DNAH9: variants seen among roughly 807,000 people sequenced by gnomAD.
DNAH9 encodes the protein DNAH9 variant protein.
In DNAH9, 345 loss-of-function variants were observed where a neutral mutation model predicts 471.6. That is an observed-to-expected ratio of 0.73 (90% CI 0.67 to 0.80). The LOEUF is 0.80. Among genes scored for constraint, DNAH9 ranks in the 30% least tolerant of loss-of-function variants. The pLI, the probability that DNAH9 is intolerant of heterozygous loss-of-function variation, is 0.00. For missense variants in DNAH9, 5,407 were observed against 5,609.2 expected (o/e 0.96, Z 1.15); for synonymous variants, 2,093 against 2,123.6 (o/e 0.99, Z 0.40).
chr17:11,680,636 G>A (rs1323976430), intron 18 of DNAH9, 87 bp from the exon 19 acceptor site: 3 of 1,122,784 alleles, frequency 2.7e-6, no homozygotes, highest in Non-Finnish European at 3.9e-6. Flanking sequence ...TAGCACAGAT[G>A]GAAGCATCTG....
chr17:11,699,524 T>C (rs1168593558), intron 22 of DNAH9, among the ~76,000 whole-genome samples: 1 of 152,218 alleles, frequency 6.6e-6, no homozygotes, highest in Non-Finnish European at 1.5e-5. Context: ...TCTCACTAGT[T>C]TTATTCAGTC....
chr17:11,814,968 A>AAAC (rs3070117), intron 45 of DNAH9, among the ~76,000 whole-genome samples: 2,637 of 151,416 alleles, frequency 0.017, 100 homozygotes, highest in East Asian at 0.17. Context: ...AAGAAAAAAA[A>AAAC]AACAATAAAG....
At chr17:11,966,459 A>T (rs1280693535) in intron 68 of DNAH9, among the ~76,000 whole-genome samples, 1 of 152,226 alleles carries the variant, frequency 6.6e-6, no homozygotes, top group East Asian at 1.9e-4. Flanking sequence ...CCAGCCTTAT[A>T]GGAAATACTA....
In DNAH9 at chr17:11,864,069, A is replaced by G. The variant is rs868006243; in HGVS notation, c.9934-5065A>G. On this transcript the variant is annotated intron_variant, in intron 50 of 68. Coordinates refer to ENST00000262442, the MANE Select transcript of DNAH9 (RefSeq NM_001372.4). ...TATTTCTTGCCTTCTGCTAGCTTTT[A>G]AATGTGTTTGCTCTTGCTTTTCTAG... is the stretch of plus-strand genomic sequence containing the variant. 3.6e-3 allele frequency among the ~76,000 whole-genome samples: 538 copies of G among 150,322 alleles called. 2 individuals carry two copies. The highest frequency in any genetic ancestry group is 0.012 in the African/African-American group (492 of 40,252).
chr17:11,748,806 A>G (rs993402280), intron 32 of DNAH9, among the ~76,000 whole-genome samples: 4 of 152,130 alleles, frequency 2.6e-5, no homozygotes, highest in Non-Finnish European at 4.4e-5. Flanking sequence ...ACCTCTTTCT[A>G]AAACCTATGT....
At position 11,647,336 on chromosome 17, in the gene DNAH9, G is replaced by T. The variant is rs958945911; in HGVS notation, c.2097+138G>T. ...CGCCCAGGCTGGAGTGCAGTGGCGC[G>T]ATCTCAGCTCACTACAACCCCTACC... On this transcript the variant is annotated intron_variant, in intron 12 of 68. Coordinates refer to ENST00000262442, the MANE Select transcript of DNAH9 (RefSeq NM_001372.4). 6.3e-6 allele frequency: 5 copies of T among 796,894 alleles called. No individual in the cohort carries two copies. The East Asian group carries it at 1.4e-4, about 22-fold the overall frequency. 49.4% of individuals were successfully genotyped at this position (796,894 alleles called of 1,614,324 possible). A position where few individuals can be genotyped will look rare whatever the true frequency, so the allele number is the denominator to read the frequency against.
chr17:11,623,311 C>T lies in DNAH9; in HGVS notation c.1350+3530C>T, dbSNP rs2072910994. 6.6e-6 allele frequency among the ~76,000 whole-genome samples: 1 copy of T among 151,914 alleles called. No homozygotes were observed. Among genetic ancestry groups the T allele is most frequent in the African/African-American group, 2.4e-5 (1 of 41,388 alleles). On this transcript the variant is annotated intron_variant, in intron 6 of 68. Coordinates refer to ENST00000262442, the MANE Select transcript of DNAH9 (RefSeq NM_001372.4). The surrounding 1 kb of genome is among the most constrained non-coding windows in gnomAD (Gnocchi z 4.1). ...CTTGACTGTGTTTCCCTCTCTTTCC[C>T]TTTGTCTAATTCTTCCTCCCTTTTC...
chr17:11,824,249 G>A (rs1249465755), intron 48 of DNAH9, among the ~76,000 whole-genome samples: 1 of 152,162 alleles, frequency 6.6e-6, no homozygotes, highest in African/African-American at 2.4e-5. Flanking sequence ...ATGTGTTCCT[G>A]TAGTTATCTG....
At chr17:11,877,795 C>T (rs1014873979) in intron 53 of DNAH9, among the ~76,000 whole-genome samples, 2 of 152,108 alleles carry the variant, frequency 1.3e-5, no homozygotes, top group South Asian at 2.1e-4. Context: ...GATATAGTGG[C>T]GCTATCTCGG....
chr17:11,723,813 G>A (rs970214370), intron 27 of DNAH9, among the ~76,000 whole-genome samples: 14 of 151,792 alleles, frequency 9.2e-5, no homozygotes, highest in Non-Finnish European at 1.8e-4. Context: ...GACTACAGGC[G>A]CCCGCCACCA....
chr17:11,889,462 G>A (rs1248943842), intron 57 of DNAH9, among the ~76,000 whole-genome samples: 2 of 142,210 alleles, frequency 1.4e-5, no homozygotes, highest in Non-Finnish European at 3.1e-5. Context: ...CACGTGGCAC[G>A]ATTTTGCTGG....
Position 11,598,490 on chromosome 17 carries a change from C to T in DNAH9, c.-9C>T. Reference sequence around the variant, plus strand: ...CTAGGGAAACCGATGCAGCTGGAGGCCGCGCGCGATGCGGCTCGCGGAGGA... The same window carrying T: ...CTAGGGAAACCGATGCAGCTGGAGGTCGCGCGCGATGCGGCTCGCGGAGGA... On this transcript the variant is annotated 5_prime_UTR_variant, in exon 1 of 69. Transcript: ENST00000262442. 1.5e-6 allele frequency: 2 copies of T among 1,365,364 alleles called. No homozygotes were observed. Among genetic ancestry groups the T allele is most frequent in the Non-Finnish European group, 1.9e-6 (2 of 1,067,968 alleles). 84.6% of individuals were successfully genotyped at this position (1,365,364 alleles called of 1,614,324 possible).
At chr17:11,895,607 A>G (rs1475251240) in intron 59 of DNAH9, among the ~76,000 whole-genome samples, 1 of 152,216 alleles carries the variant, frequency 6.6e-6, no homozygotes, top group Non-Finnish European at 1.5e-5. Flanking sequence ...CACATCTGGG[A>G]AATTGTCATT....
At position 11,598,737 on chromosome 17, in the gene DNAH9, G is replaced by T. The variant is rs935612554; in HGVS notation, c.239G>T (p.Gly80Val). Residue 80 changes from glycine to valine, a missense_variant, in exon 1 of 69, where the codon GGC becomes GTC. Transcript: ENST00000262442. The stretch of plus-strand genomic sequence containing the variant: ...CTGGTGGTGCGGCCCGGGCCCAGGG[G>T]CCTGGCAATACGCCCCGGGCTGGAG... ...PLLVVRPGPR[G>V]LAIRPGLEVG... The T allele has an allele frequency of 2.8e-6, 4 of 1,409,512 alleles. No individual in the cohort carries two copies. In the African/African-American group the frequency reaches 4.6e-5, roughly 16 times the overall value. 87.3% of individuals were successfully genotyped at this position (1,409,512 alleles called of 1,614,324 possible). A position where few individuals can be genotyped will look rare whatever the true frequency, so the allele number is the denominator to read the frequency against.
chr17:11,930,441 G>T (rs1974470184), intron 63 of DNAH9, among the ~76,000 whole-genome samples: 2 of 152,092 alleles, frequency 1.3e-5, no homozygotes, highest in Non-Finnish European at 2.9e-5. Flanking sequence ...CTATCTTCAG[G>T]CAGAGAGATG....
At chr17:11,863,226 A>G (rs1322559044) in intron 50 of DNAH9, among the ~76,000 whole-genome samples, 2 of 152,210 alleles carry the variant, frequency 1.3e-5, no homozygotes, top group Non-Finnish European at 2.9e-5. Flanking sequence ...AGTTTTTAGC[A>G]TGAAGCGTTG....
In DNAH9 at chr17:11,834,640, G is replaced by T; in HGVS notation, c.9249G>T (p.Val3083=). 1 of 1,613,982 alleles carries T rather than the reference G, an allele frequency of 6.2e-7. No homozygotes were observed. The highest frequency in any genetic ancestry group is 2.2e-5 in the East Asian group (1 of 44,880). The change falls in exon 49 of 69, where the codon GTG becomes GTT. Residue 3083 remains valine (V), a splice_region_variant and synonymous_variant. Coordinates refer to ENST00000262442, the MANE Select transcript of DNAH9 (RefSeq NM_001372.4). ...LLKLHSTSAQ[V]DDLKAKLAAQ... ...AGTCCCGTGCTTCTCCAATGCAGGTGGATGATCTGAAAGCAAAGCTGGCTG... is the reference window on the plus strand; with the variant it reads ...AGTCCCGTGCTTCTCCAATGCAGGTTGATGATCTGAAAGCAAAGCTGGCTG...
At chr17:11,866,674 C>T (rs995692677) in intron 50 of DNAH9, among the ~76,000 whole-genome samples, 1 of 152,236 alleles carries the variant, frequency 6.6e-6, no homozygotes, top group Non-Finnish European at 1.5e-5. Context: ...GGGCTCCACC[C>T]AGTTGGAGCT....
intron 49 of DNAH9, 109 bp downstream of exon 49, chr17:11,835,007 G>T (rs1160073885): frequency 7.1e-7 from 1 of 1,405,432 alleles, no homozygotes; most frequent in East Asian, 2.5e-5. Context: ...AGTTTAGGGT[G>T]GGCTCCAACT....
Sources: allele counts gnomAD v4.1 joint callset (sites outside exome capture counted in the v4.1 genomes callset), GRCh38; gene constraint gnomAD v4.1.1; non-coding constraint Gnocchi (gnomAD v3.1); transcripts MANE v1.5; gene names NCBI Gene and HGNC (gene_info 2026-07-23, HGNC 2026-07-21).